SSU72: variants seen among roughly 807,000 people sequenced by gnomAD.
The protein encoded by SSU72 is SSU72 homolog, RNA polymerase II CTD phosphatase.
A neutral mutation model predicts 22.7 loss-of-function variants in SSU72; 12 were observed. The ratio of observed to expected loss-of-function variants is 0.53; its 90% CI spans 0.34 to 0.86. The LOEUF (loss-of-function observed/expected upper bound fraction) is 0.86. SSU72 is among the 40% of genes least tolerant of loss of function. The pLI, the probability that SSU72 is intolerant of heterozygous loss-of-function variation, is 0.02. For synonymous variants in SSU72, 116 were observed against 98.3 expected (o/e 1.18, Z -1.06); for missense variants, 151 against 249.8 (o/e 0.60, Z 2.67).
At chr1:1,568,663 G>A (rs530950640) in intron 1 of SSU72, among the ~76,000 whole-genome samples, 3 of 152,234 alleles carry the variant, frequency 2.0e-5, no homozygotes, top group South Asian at 2.1e-4. Flanking sequence ...GGTGGCTCAC[G>A]CCTGTAATCC....
chr1:1,555,982 G>A (rs1259459636), intron 2 of SSU72, among the ~76,000 whole-genome samples: 10 of 151,990 alleles, frequency 6.6e-5, no homozygotes, highest in African/African-American at 9.7e-5. Flanking sequence ...AAGTCAGAGC[G>A]AGACCGTCTC....
chr1:1,551,368 G>C (rs1030121119), intron 2 of SSU72, among the ~76,000 whole-genome samples: 1 of 152,248 alleles, frequency 6.6e-6, no homozygotes, highest in African/African-American at 2.4e-5. Flanking sequence ...GGCTGCAAAG[G>C]GAACAGCAGC....
At chr1:1,551,672 G>A (rs1222287785) in intron 2 of SSU72, among the ~76,000 whole-genome samples, 7 of 152,168 alleles carry the variant, frequency 4.6e-5, no homozygotes, top group African/African-American at 7.2e-5. Flanking sequence ...CCAGGGTCCC[G>A]ATTCGCGGAC....
At chr1:1,558,606 T>C (rs1450600526) in intron 2 of SSU72, among the ~76,000 whole-genome samples, 1 of 152,190 alleles carries the variant, frequency 6.6e-6, no homozygotes, top group Non-Finnish European at 1.5e-5. Context: ...GGTTTTGCAG[T>C]TCATAACACA....
chr1:1,568,045 A>G (rs893266534), intron 1 of SSU72, among the ~76,000 whole-genome samples: 2 of 152,196 alleles, frequency 1.3e-5, no homozygotes, highest in African/African-American at 4.8e-5. Flanking sequence ...AGCCTATTTA[A>G]AAACAAAATG....
chr1:1,573,572 C>T (rs1206570484), intron 1 of SSU72, among the ~76,000 whole-genome samples: 2 of 151,996 alleles, frequency 1.3e-5, no homozygotes, highest in Non-Finnish European at 2.9e-5. Flanking sequence ...GCGTCGGCCT[C>T]CCAAAGTGCG....
Position 1,542,243 on chromosome 1 carries a change from G to T in SSU72, c.484-76C>A. The T allele has an allele frequency of 7.2e-7, 1 of 1,394,304 alleles. No individual in the cohort carries two copies. The highest frequency in any genetic ancestry group is 9.9e-7 in the Non-Finnish European group (1 of 1,008,064). The allele number at this position is 1,394,304 out of a possible 1,614,324, so 86.4% of individuals were successfully genotyped here. On this transcript the variant is annotated intron_variant, in intron 4 of 4. Transcript: ENST00000291386. This position sits in a 1 kb window ranked among gnomAD's most constrained non-coding sequence, Gnocchi z 4.4. The stretch of plus-strand genomic sequence containing the variant: ...TCCCCCTAACACCTGGATCGCCAGG[G>T]AAACGCCAGGCCTGAGCCAGCAGAA...
chr1:1,560,398 G>A lies in SSU72; in HGVS notation c.224+4375C>T, dbSNP rs187833183. ...TGGGCTCAACTGAGCCTCCTGCCTC[G>A]GTCTCCCCAGGCTGGAACTGCAGGC... On this transcript the variant is annotated intron_variant, in intron 2 of 4. Coordinates refer to ENST00000291386, the MANE Select transcript of SSU72 (RefSeq NM_014188.3). Among the ~76,000 whole-genome samples the A allele has an allele frequency of 2.1e-3, 324 of 152,190 alleles. 1 individual carries two copies. The highest frequency in any genetic ancestry group is 4.0e-3 in the Non-Finnish European group (269 of 68,008).
At chr1:1,549,609 C>A (rs1452086624) in intron 2 of SSU72, among the ~76,000 whole-genome samples, 1 of 151,742 alleles carries the variant, frequency 6.6e-6, no homozygotes, top group African/African-American at 2.4e-5. Flanking sequence ...GAGGCCGAGG[C>A]GGATGGCTTA....
chr1:1,564,530 C>A, intron 2 of SSU72: 1 of 1,540,280 alleles, frequency 6.5e-7, no homozygotes, highest in Non-Finnish European at 8.8e-7. Context: ...CTCTGCTGAA[C>A]CACGTCAGGG....
At chr1:1,556,220 C>T (rs1642519010) in intron 2 of SSU72, among the ~76,000 whole-genome samples, 2 of 152,200 alleles carry the variant, frequency 1.3e-5, no homozygotes, top group African/African-American at 2.4e-5. Flanking sequence ...ATCACAAGGT[C>T]AGGAGATGGA....
chr1:1,574,815 G>T lies in SSU72; in HGVS notation c.-258C>A, dbSNP rs566701079. ...GGCGGCCAACGCCGCGCCGGCCCCC[G>T]GCGTCCGCAGCAGAGACCCGCACTC... On this transcript the variant is annotated 5_prime_UTR_variant, in exon 1 of 5. Transcript: ENST00000291386. The T allele has an allele frequency of 8.7e-4, 196 of 225,402 alleles. 1 individual carries two copies. Among genetic ancestry groups the T allele is most frequent in the Middle Eastern group, 1.9e-3 (1 of 522 alleles). 14.0% of individuals were successfully genotyped at this position (225,402 alleles called of 1,614,324 possible).
chr1:1,565,738 G>GGAACCGAGACCC (rs1311755433), intron 1 of SSU72, among the ~76,000 whole-genome samples: 3 of 152,148 alleles, frequency 2.0e-5, no homozygotes, highest in Admixed American at 6.5e-5. Context: ...TTGTTCCTTG[G>GGAACCGAGACCC]ACTTCCTAGT....
intron 3 of SSU72, 135 bp from the exon 4 acceptor site, chr1:1,544,122 G>A (rs1642360666): frequency 3.1e-6 from 2 of 655,092 alleles, no homozygotes; most frequent in Non-Finnish European, 2.6e-6. Flanking sequence ...GCAGTTTGGG[G>A]AGCACAATGA....
intron 1 of SSU72, among the ~76,000 whole-genome samples, chr1:1,567,276 C>T (rs1238122854): frequency 2.6e-5 from 4 of 152,160 alleles, no homozygotes; most frequent in African/African-American, 4.8e-5. Flanking sequence ...ACGTGAAACA[C>T]CTGAGTCCCC....
Position 1,541,814 on chromosome 1 carries a change from C to T in SSU72, c.*252G>A, listed in dbSNP as rs1168047221. On this transcript the variant is annotated 3_prime_UTR_variant, in exon 5 of 5. Transcript: ENST00000291386. Reference sequence around the variant, plus strand: ...GGTATGTCGGGAAGTGCACACAAACCGTTGTCTTTCCTTTTTGGTTAAAGA... The same window carrying T: ...GGTATGTCGGGAAGTGCACACAAACTGTTGTCTTTCCTTTTTGGTTAAAGA... 10 of 483,480 alleles carry T rather than the reference C, an allele frequency of 2.1e-5. No individual in the cohort carries two copies. Among genetic ancestry groups the T allele is most frequent in the Non-Finnish European group, 3.0e-5 (8 of 265,410 alleles). 29.9% of individuals were successfully genotyped at this position (483,480 alleles called of 1,614,324 possible).
At chr1:1,565,429 T>TTA (rs1642648127) in intron 1 of SSU72, among the ~76,000 whole-genome samples, 1 of 152,226 alleles carries the variant, frequency 6.6e-6, no homozygotes, top group Non-Finnish European at 1.5e-5. Flanking sequence ...CATCATAGCT[T>TTA]GTTTAAGGCT....
rs1296934856 is a variant in SSU72 at position 1,574,641 on chromosome 1, G to A, written c.-84C>T. ...TCCGCGCGAACAAAATGGCGGCCGC[G>A]GTGGCCGGAAGCGGGCGACGCGAAA... On this transcript the variant is annotated 5_prime_UTR_variant, in exon 1 of 5. Transcript: ENST00000291386. The A allele has an allele frequency of 3.6e-6, 5 of 1,370,796 alleles. No individual in the cohort carries two copies. Among genetic ancestry groups the A allele is most frequent in the African/African-American group, 2.0e-5 (1 of 50,572 alleles). The allele number at this position is 1,370,796 out of a possible 1,614,324, so 84.9% of individuals were successfully genotyped here. A position where few individuals can be genotyped will look rare whatever the true frequency, so the allele number is the denominator to read the frequency against.
At chr1:1,544,668 T>C (rs1570379688) in intron 3 of SSU72, 195 bp downstream of exon 3, 2 of 668,394 alleles carry the variant, frequency 3.0e-6, no homozygotes, top group East Asian at 2.7e-5. Context: ...TTGAAGCCCA[T>C]GAGGCTGCAG....
Sources: gnomAD v4.1 joint callset for allele counts (sites outside exome capture counted in the v4.1 genomes callset) on GRCh38, gnomAD v4.1.1 for gene constraint, Gnocchi (gnomAD v3.1) non-coding constraint, MANE v1.5 for transcripts, NCBI Gene and HGNC (gene_info 2026-07-23, HGNC 2026-07-21) for gene names.